NUP205: variants seen among roughly 807,000 people sequenced by gnomAD.
The protein encoded by NUP205 is nuclear pore complex protein Nup205.
A neutral mutation model predicts 253.8 loss-of-function variants in NUP205; 76 were observed. The observed-to-expected ratio is 0.30, with a 90% CI of 0.25 to 0.36. The LOEUF is 0.36. Among genes scored for constraint, NUP205 ranks in the 10% least tolerant of loss-of-function variants. The probability of loss-of-function intolerance (pLI) is 1.00; values close to 1 mark genes in which losing one functional copy is unlikely to be tolerated. For missense variants in NUP205, 2,162 were observed against 2,425.5 expected, an observed-to-expected ratio of 0.89 and a Z score of 2.28; for synonymous variants, 832 against 850.1, an observed-to-expected ratio of 0.98 and a Z score of 0.37.
chr7:135,620,191 GTCT>G (rs1477995715), intron 30 of NUP205, among the ~76,000 whole-genome samples: 1 of 152,184 alleles, frequency 6.6e-6, no homozygotes, highest in Admixed American at 6.5e-5. Context: ...ATGGTCCAAT[GTCT>G]TTCTTTCCTT....
At chr7:135,617,571 C>G (rs781348529) in intron 26 of NUP205, 31 bp from the exon 27 acceptor site, 24 of 1,548,722 alleles carry the variant, frequency 1.5e-5, no homozygotes, top group Non-Finnish European at 2.1e-5. Flanking sequence ...TCTGAAATGT[C>G]TTATTTTTCT....
intron 17 of NUP205, 33 bp from the exon 18 acceptor site, chr7:135,602,772 T>G (rs1172283286): frequency 3.2e-6 from 5 of 1,539,518 alleles, no homozygotes; most frequent in Non-Finnish European, 3.5e-6. Flanking sequence ...TAAGATAAAT[T>G]TAGAACTTTC....
chr7:135,619,865 A>T lies in NUP205; in HGVS notation c.4307A>T (p.Asp1436Val). 2 of 1,612,276 alleles carry T rather than the reference A, an allele frequency of 1.2e-6. No individual in the cohort carries two copies. The highest frequency in any genetic ancestry group is 1.7e-6 in the Non-Finnish European group (2 of 1,178,426). ...TACTTACAGATTGCCCAGAGACCTG[A>T]TGAACCAGACACCTTAGAAGCAGGT... ...LYYLQIAQRP[D>V]EPDTLEAAKK... The change falls in exon 30 of 43, where the codon GAT (aspartate) becomes GTT (valine). Residue 1436 changes from aspartate (D) to valine (V), a missense_variant. By Grantham distance (152) the Asp-to-Val change is radical. Transcript: ENST00000285968.
chr7:135,583,242 C>G (rs529080248), intron 7 of NUP205, among the ~76,000 whole-genome samples: 123 of 152,206 alleles, frequency 8.1e-4, no homozygotes, highest in African/African-American at 2.8e-3. Context: ...GTTTGTATGA[C>G]AGTCAAACAG....
At chr7:135,581,878 C>A (rs980313664) in intron 7 of NUP205, among the ~76,000 whole-genome samples, 5 of 151,614 alleles carry the variant, frequency 3.3e-5, no homozygotes, top group East Asian at 1.9e-4. Flanking sequence ...AACAAAAAAA[C>A]CAAGCATTTT....
intron 36 of NUP205, 55 bp downstream of exon 36, chr7:135,635,712 C>A: frequency 9.8e-7 from 1 of 1,019,162 alleles, no homozygotes; most frequent in Non-Finnish European, 1.5e-6. Flanking sequence ...ACAAAATATA[C>A]CATCCTCCCC....
In NUP205 at chr7:135,598,080, A is replaced by C. The variant is rs778707430; in HGVS notation, c.2147A>C (p.Glu716Ala). The change falls in exon 15 of 43, where the codon GAG becomes GCG. Residue 716 changes from glutamate to alanine, a missense_variant. Physicochemically the swap from Glu to Ala is moderately radical, Grantham distance 107 (BLOSUM62 -1). Around this residue, in one of 5 missense-constraint regions of NUP205, gnomAD observed 892 missense variants for 957.1 expected, o/e 0.93. Coordinates refer to ENST00000285968, the MANE Select transcript of NUP205 (RefSeq NM_015135.3). The stretch of plus-strand genomic sequence containing the variant: ...TGCCAGCTTATTAGTACTCTGGTGG[A>C]GAGCTCATTTCCTTCTAATTTGGGT... ...AFCQLISTLV[E>A]SSFPSNLGAG... 8 of 1,613,968 alleles carry C rather than the reference A, an allele frequency of 5.0e-6. No individual in the cohort carries two copies. In the South Asian group the frequency reaches 8.8e-5, roughly 18 times the overall value.
intron 17 of NUP205, among the ~76,000 whole-genome samples, 153 bp from the exon 18 acceptor site, chr7:135,602,652 A>T (rs1793989518): frequency 6.6e-6 from 1 of 152,232 alleles, no homozygotes; most frequent in Non-Finnish European, 1.5e-5. Context: ...TGAGAGCATA[A>T]ATCTCTAGGT....
chr7:135,591,535 T>C lies in NUP205; in HGVS notation c.1559T>C (p.Leu520Ser). The C allele has an allele frequency of 6.2e-7, 1 of 1,614,096 alleles. No individual in the cohort carries two copies. The highest frequency in any genetic ancestry group is 8.5e-7 in the Non-Finnish European group (1 of 1,179,936). The change falls in exon 11 of 43, where the codon TTG (leucine) becomes TCG (serine). Residue 520 changes from leucine to serine, a missense_variant. Transcript: ENST00000285968. ...YIPYLKMLQG[L>S]ANGPQCAHYC... ...CCTTATTTGAAGATGCTCCAGGGAT[T>C]GGCCAATGGGCCTCAGTGTGCCCAC... is the stretch of plus-strand genomic sequence containing the variant.
rs192887115 is a variant in NUP205, at chr7:135,596,884, G to A, written c.2014-484G>A. Among the ~76,000 whole-genome samples the A allele has an allele frequency of 6.9e-3, 1,043 of 151,140 alleles. 8 individuals carry two copies. Among genetic ancestry groups the A allele is most frequent in the Non-Finnish European group, 0.011 (759 of 67,874 alleles). ...AGGCAGGAGAATTGCTTGAGCCCAG[G>A]AGACGGAGGTTGCAGTGAGCCAAGA... On this transcript the variant is annotated intron_variant, in intron 13 of 42. Transcript: ENST00000285968.
At chr7:135,615,344 G>A (rs1240568770) in intron 23 of NUP205, among the ~76,000 whole-genome samples, 1 of 152,106 alleles carries the variant, frequency 6.6e-6, no homozygotes, top group Non-Finnish European at 1.5e-5. Context: ...GAGGAACACT[G>A]AGGCAAGGAG....
chr7:135,642,464 G>A (rs969102045), intron 38 of NUP205, among the ~76,000 whole-genome samples: 5 of 151,996 alleles, frequency 3.3e-5, no homozygotes, highest in Middle Eastern at 3.4e-3. Context: ...TGACAGGTGT[G>A]AGCCACCGTG....
chr7:135,635,049 T>A (rs1050384296), intron 35 of NUP205, among the ~76,000 whole-genome samples: 2 of 152,146 alleles, frequency 1.3e-5, no homozygotes, highest in Non-Finnish European at 2.9e-5. Context: ...ACTGGCAGGC[T>A]CATTAGAAAT....
rs139142793 is a variant in NUP205 at position 135,577,043 on chromosome 7, C to G, written c.563C>G (p.Thr188Arg). 87 of 1,613,856 alleles carry G rather than the reference C, an allele frequency of 5.4e-5. No homozygotes were observed. The highest frequency in any genetic ancestry group is 6.9e-5 in the Non-Finnish European group (81 of 1,179,882). Reference sequence around the variant, plus strand: ...CAAGGATTGACTTATAAAGTTCTTACGCTGGTGTCACAGATTGATGTGAAT... The same window carrying G: ...CAAGGATTGACTTATAAAGTTCTTAGGCTGGTGTCACAGATTGATGTGAAT... ...MEQGLTYKVL[T>R]LVSQIDVNNE... The change falls in exon 5 of 43, where the codon ACG (threonine) becomes AGG (arginine). Residue 188 changes from threonine to arginine, a missense_variant. Thr to Arg is a moderately conservative substitution (Grantham distance 71, BLOSUM62 -1). This residue lies in a region of NUP205 where 892 missense variants were observed against 957.1 expected (regional missense o/e 0.93). Coordinates refer to ENST00000285968, the MANE Select transcript of NUP205 (RefSeq NM_015135.3).
chr7:135,633,954 G>T (rs1369703471), intron 35 of NUP205, among the ~76,000 whole-genome samples: 1 of 152,160 alleles, frequency 6.6e-6, no homozygotes, highest in African/African-American at 2.4e-5. Flanking sequence ...ATGCACATTT[G>T]TCTTAAACGC....
chr7:135,607,747 C>CT (rs1323848183), intron 22 of NUP205, among the ~76,000 whole-genome samples: 1 of 152,128 alleles, frequency 6.6e-6, no homozygotes, highest in Non-Finnish European at 1.5e-5. Context: ...GTCTCTGACT[C>CT]TGAGTTTTTC....
chr7:135,606,225 G>A lies in NUP205; in HGVS notation c.2904G>A (p.Glu968=), dbSNP rs112535420. Residue 968 remains glutamate (E), a splice_region_variant and synonymous_variant, in exon 20 of 43, where the codon GAG becomes GAA. Transcript: ENST00000285968. ...CAGAAGAATTTGTACGTCTGGAAGA[G>A]GGTATGCCTTAGATTAATGTGCATA... ...EDAEEFVRLE[E]GSELEKKLVA... 3 of 1,598,290 alleles carry A rather than the reference G, an allele frequency of 1.9e-6. No individual in the cohort carries two copies. Among genetic ancestry groups the A allele is most frequent in the African/African-American group, 1.3e-5 (1 of 74,656 alleles).
rs753377397 is a variant in NUP205, at chr7:135,598,073, C to G, written c.2140C>G (p.Leu714Val). 9.9e-6 allele frequency: 16 copies of G among 1,613,986 alleles called. No individual in the cohort carries two copies. The African/African-American group carries it at 1.3e-4, about 13-fold the overall frequency. The change falls in exon 15 of 43, where the codon CTG becomes GTG. Residue 714 changes from leucine to valine, a missense_variant. This residue lies in a region of NUP205 where 892 missense variants were observed against 957.1 expected (regional missense o/e 0.93). Transcript: ENST00000285968. ...TRAFCQLIST[L>V]VESSFPSNLG... ...GGCCTTTTGCCAGCTTATTAGTACT[C>G]TGGTGGAGAGCTCATTTCCTTCTAA...
intron 31 of NUP205, 115 bp downstream of exon 31, chr7:135,623,040 G>C (rs1794507995): frequency 1.0e-6 from 1 of 995,640 alleles, no homozygotes; most frequent in East Asian, 2.6e-5. Context: ...TGCTTTCGAA[G>C]GCCAAGGTGG....
Sources: allele counts gnomAD v4.1 joint callset (sites outside exome capture counted in the v4.1 genomes callset), GRCh38; gene constraint gnomAD v4.1.1; regional missense constraint gnomAD v4.1.1; transcripts MANE v1.5; gene names NCBI Gene and HGNC (gene_info 2026-07-23, HGNC 2026-07-21).